Variants in CSNK2A2 observed in about 807,000 individuals in gnomAD.
CSNK2A2 encodes the protein casein kinase II subunit alpha'.
Under a neutral mutation model 54.0 loss-of-function variants are expected in CSNK2A2, and 8 were observed. The observed-to-expected ratio is 0.15, with a 90% CI of 0.09 to 0.27. The LOEUF is 0.27. Among genes scored for constraint, CSNK2A2 ranks in the 10% least tolerant of loss-of-function variants. The pLI is 1.00. For synonymous variants in CSNK2A2, 141 were observed against 153.9 expected (o/e 0.92, Z 0.62); for missense variants, 242 against 439.4 (o/e 0.55, Z 4.02).
rs1202478779 is a variant in CSNK2A2 at position 58,197,041 on chromosome 16, G to A, written c.105-197C>T. ...CTCTGCAGAGCTCCTAACCTAATTG[G>A]TCTCTCCTAACTTGGGAAGATGGGG... is the stretch of plus-strand genomic sequence containing the variant. On this transcript the variant is annotated intron_variant, in intron 1 of 11. Transcript: ENST00000262506. The surrounding 1 kb of genome is among the most constrained non-coding windows in gnomAD (Gnocchi z 4.0). The A allele has an allele frequency of 1.8e-6, 1 of 557,088 alleles. No homozygotes were observed. The highest frequency in any genetic ancestry group is 1.9e-5 in the African/African-American group (1 of 53,026). 34.5% of individuals were successfully genotyped at this position (557,088 alleles called of 1,614,324 possible). A position where few individuals can be genotyped will look rare whatever the true frequency, so the allele number is the denominator to read the frequency against.
intron 2 of CSNK2A2, among the ~76,000 whole-genome samples, chr16:58,188,972 T>C (rs1184213498): frequency 6.6e-6 from 1 of 150,424 alleles, no homozygotes; most frequent in Non-Finnish European, 1.5e-5. Flanking sequence ...TTTTTTTTTT[T>C]TTGAGACGGA....
At position 58,197,902 on chromosome 16, in the gene CSNK2A2, G is replaced by A. The variant is rs1405998518; in HGVS notation, c.-166C>T. On this transcript the variant is annotated 5_prime_UTR_variant, in exon 1 of 12. Transcript: ENST00000262506. This position sits in a 1 kb window ranked among gnomAD's most constrained non-coding sequence, Gnocchi z 4.0. Reference sequence around the variant, plus strand: ...GCGCCAGGCCGGGCCCGCGGGGGCGGGCGGGCTGGGGGCGCGGGGGGCGCC... The same window carrying A: ...GCGCCAGGCCGGGCCCGCGGGGGCGAGCGGGCTGGGGGCGCGGGGGGCGCC... 7.1e-6 allele frequency: 1 copy of A among 140,728 alleles called. No individual in the cohort carries two copies. Among genetic ancestry groups the A allele is most frequent in the Non-Finnish European group, 1.6e-5 (1 of 63,552 alleles). The allele number at this position is 140,728 out of a possible 1,614,324, so 8.7% of individuals were successfully genotyped here.
chr16:58,193,435 G>T (rs775723151), intron 2 of CSNK2A2, among the ~76,000 whole-genome samples: 9 of 152,166 alleles, frequency 5.9e-5, no homozygotes, highest in Admixed American at 5.9e-4. Context: ...ATATCTAGGG[G>T]AAAATGGATA....
chr16:58,186,035 T>C (rs74019833), intron 3 of CSNK2A2, among the ~76,000 whole-genome samples: 10,529 of 152,184 alleles, frequency 0.069, 434 homozygotes, highest in South Asian at 0.2. Context: ...CATGGGAGGA[T>C]AACAGGGAAA....
intron 2 of CSNK2A2, 72 bp downstream of exon 2, chr16:58,196,661 G>A: frequency 1.1e-6 from 1 of 895,728 alleles, no homozygotes; most frequent in Non-Finnish European, 1.9e-6. Flanking sequence ...ATTATAGAAT[G>A]TGACTGGGGT....
intron 5 of CSNK2A2, among the ~76,000 whole-genome samples, chr16:58,171,058 G>A (rs1398994428): frequency 6.6e-6 from 1 of 152,008 alleles, no homozygotes; most frequent in African/African-American, 2.4e-5. Context: ...ATGTCCCCTG[G>A]GGGACAAGCT....
intron 5 of CSNK2A2, among the ~76,000 whole-genome samples, chr16:58,170,962 C>T (rs1567465784): frequency 6.6e-6 from 1 of 152,072 alleles, no homozygotes; most frequent in African/African-American, 2.4e-5. Flanking sequence ...CAATGAAATA[C>T]TCTTCAAGTA....
At chr16:58,175,560 A>C (rs1445321224) in intron 4 of CSNK2A2, among the ~76,000 whole-genome samples, 2 of 152,356 alleles carry the variant, frequency 1.3e-5, no homozygotes, top group Middle Eastern at 3.4e-3. Flanking sequence ...ATACAGAAGT[A>C]ATAAAAACTG....
At chr16:58,171,981 T>TA (rs1567466368) in intron 5 of CSNK2A2, among the ~76,000 whole-genome samples, 132 of 54,200 alleles carry the variant, frequency 2.4e-3, no homozygotes, top group African/African-American at 0.013. Context: ...ATATATATAT[T>TA]TTTTTTTTTT....
chr16:58,171,281 T>C (rs1174217533), intron 5 of CSNK2A2, among the ~76,000 whole-genome samples: 2 of 152,056 alleles, frequency 1.3e-5, no homozygotes, highest in African/African-American at 2.4e-5. Flanking sequence ...TCCCAGCAGT[T>C]TGGGGGCCAA....
chr16:58,198,077 G>A lies in CSNK2A2; in HGVS notation c.-341C>T, dbSNP rs1387088566. Among the ~76,000 whole-genome samples, 1 of 146,572 alleles carries A rather than the reference G, an allele frequency of 6.8e-6. No homozygotes were observed. Among genetic ancestry groups the A allele is most frequent in the East Asian group, 2.0e-4 (1 of 5,098 alleles). ...AGCCACCGGCCGGGAAAGGGGCAGC[G>A]GCGGCGGCAGCGGAGAAGAAGGAGG... On this transcript the variant is annotated 5_prime_UTR_variant, in exon 1 of 12. Transcript: ENST00000262506.
At chr16:58,193,622 C>T (rs995458299) in intron 2 of CSNK2A2, among the ~76,000 whole-genome samples, 1 of 152,182 alleles carries the variant, frequency 6.6e-6, no homozygotes, top group Non-Finnish European at 1.5e-5. Context: ...CTGAAATCTA[C>T]ACACACAGGC....
At position 58,174,472 on chromosome 16, in the gene CSNK2A2, A is replaced by C; in HGVS notation, c.408T>G (p.Phe136Leu). 7 of 1,612,664 alleles carry C rather than the reference A, an allele frequency of 4.3e-6. No individual in the cohort carries two copies. The highest frequency in any genetic ancestry group is 5.9e-6 in the Non-Finnish European group (7 of 1,179,458). The change falls in exon 5 of 12, where the codon TTT becomes TTG. Residue 136 changes from phenylalanine to leucine, a missense_variant. Phe to Leu is a conservative substitution (Grantham distance 22, BLOSUM62 0). Around this residue, in one of 5 missense-constraint regions of CSNK2A2, gnomAD observed 69 missense variants for 97.0 expected, o/e 0.71. Transcript: ENST00000262506. The part of the protein sequence containing the change: ...YQILTDFDIR[F>L]YMYELLKALD... ...TTACTTTAAGTAGTTCATACATATA[A>C]AACCGGATATCAAAGTCTGTCAGGA...
chr16:58,194,222 G>A (rs1289605104), intron 2 of CSNK2A2, among the ~76,000 whole-genome samples: 1 of 152,234 alleles, frequency 6.6e-6, no homozygotes, highest in African/African-American at 2.4e-5. Context: ...TCCAAGTTAT[G>A]AGGAGCTGGT....
chr16:58,194,378 C>A (rs1000271824), intron 2 of CSNK2A2, among the ~76,000 whole-genome samples: 1 of 152,162 alleles, frequency 6.6e-6, no homozygotes, highest in South Asian at 2.1e-4. Context: ...TTTTAATTCA[C>A]AAAACAACAA....
intron 5 of CSNK2A2, among the ~76,000 whole-genome samples, chr16:58,169,808 T>C (rs1193829012): frequency 2.0e-5 from 3 of 151,794 alleles, no homozygotes; most frequent in Non-Finnish European, 4.4e-5. Flanking sequence ...CCCAGAACTT[T>C]CGGAGGCAGG....
rs778612453 is a variant in CSNK2A2 at position 58,197,108 on chromosome 16, A to C, written c.105-264T>G. On this transcript the variant is annotated intron_variant, in intron 1 of 11. Coordinates refer to ENST00000262506, the MANE Select transcript of CSNK2A2 (RefSeq NM_001896.4). This position sits in a 1 kb window ranked among gnomAD's most constrained non-coding sequence, Gnocchi z 4.0. ...TGAGCCAATCCAGAGGGGCGAGCAA[A>C]GCACCCGTCCTGAAGGCCTAGAGGG... 1 of 444,624 alleles carries C rather than the reference A, an allele frequency of 2.2e-6. No homozygotes were observed. The highest frequency in any genetic ancestry group is 2.4e-5 in the South Asian group (1 of 41,054). 27.5% of individuals were successfully genotyped at this position (444,624 alleles called of 1,614,324 possible).
At chr16:58,181,862 G>A (rs559286975) in intron 4 of CSNK2A2, among the ~76,000 whole-genome samples, 1 of 152,192 alleles carries the variant, frequency 6.6e-6, no homozygotes, top group Non-Finnish European at 1.5e-5. Flanking sequence ...TTTCAGAAGA[G>A]TGCAAATGAG....
At chr16:58,186,651 A>G in intron 3 of CSNK2A2, 104 bp downstream of exon 3, 1 of 782,406 alleles carries the variant, frequency 1.3e-6, no homozygotes, top group Non-Finnish European at 2.1e-6. Context: ...AAAGACAAAC[A>G]CCACCATCCC....
Sources: gnomAD v4.1 joint callset for allele counts (sites outside exome capture counted in the v4.1 genomes callset) on GRCh38, gnomAD v4.1.1 for gene constraint, gnomAD v4.1.1 regional missense constraint, Gnocchi (gnomAD v3.1) non-coding constraint, MANE v1.5 for transcripts, NCBI Gene and HGNC (gene_info 2026-07-23, HGNC 2026-07-21) for gene names.